TKTL1: variants seen among roughly 807,000 people sequenced by gnomAD.
TKTL1 encodes transketolase like 1.
TKTL1 carries 1 observed loss-of-function variant against 39.3 expected under a neutral mutation model. The ratio of observed to expected loss-of-function variants is 0.03; its 90% CI spans 0.01 to 0.12. The LOEUF (loss-of-function observed/expected upper bound fraction) is 0.12, where lower values mean the gene tolerates loss of function less well. Among genes scored for constraint, TKTL1 ranks in the 10% least tolerant of loss-of-function variants. The pLI, the probability that TKTL1 is intolerant of heterozygous loss-of-function variation, is 1.00. For missense variants in TKTL1, 575 were observed against 509.6 expected, an observed-to-expected ratio of 1.13 and a Z score of -1.24; for synonymous variants, 262 against 193.8, an observed-to-expected ratio of 1.35 and a Z score of -2.92.
Position 154,326,490 on chromosome X carries a change from A to G in TKTL1, c.1401+1068A>G, listed in dbSNP as rs185536501. Among the ~76,000 whole-genome samples, 5 of 112,589 alleles carry G rather than the reference A, an allele frequency of 4.4e-5. No individual in the cohort carries two copies. In the East Asian group the frequency reaches 1.4e-3, roughly 31 times the overall value. ...TTGAAAGAGCAGCAGGTAACATCCA[A>G]TTTGGTTGCTAAGGACTAGGCTGCT... is the stretch of plus-strand genomic sequence containing the variant. On this transcript the variant is annotated intron_variant, in intron 10 of 12. Transcript: ENST00000369915.
chrX:154,319,482 C>T (rs950592989), intron 7 of TKTL1, among the ~76,000 whole-genome samples: 1 of 111,689 alleles, frequency 9.0e-6, no homozygotes, highest in Non-Finnish European at 1.9e-5. Flanking sequence ...GGCTCACGCC[C>T]GTAATCCCAG....
At chrX:154,297,202 T>C (rs1557164802) in intron 1 of TKTL1, among the ~76,000 whole-genome samples, 2 of 112,088 alleles carry the variant, frequency 1.8e-5, no homozygotes, top group African/African-American at 6.5e-5. Context: ...TAGTATGCGG[T>C]TGATGGTTTT....
At position 154,309,454 on chromosome X, in the gene TKTL1, C is replaced by G. The variant is rs1557167865; in HGVS notation, c.350+12C>G. 2 of 1,184,625 alleles carry G rather than the reference C, an allele frequency of 1.7e-6. No individual in the cohort carries two copies. The highest frequency in any genetic ancestry group is 2.3e-6 in the Non-Finnish European group (2 of 871,657). ...TTCGACAGGGCCAGGTGAGGTTCTT[C>G]CCCAGAAGCCATTTAACTGCCCTAC... is the stretch of plus-strand genomic sequence containing the variant. On this transcript the variant is annotated intron_variant, in intron 3 of 12. Transcript: ENST00000369915.
At chrX:154,319,511 G>C (rs1317490264) in intron 7 of TKTL1, among the ~76,000 whole-genome samples, 1 of 111,832 alleles carries the variant, frequency 8.9e-6, no homozygotes, top group African/African-American at 3.3e-5. Flanking sequence ...GAGGCCGGCC[G>C]AGGTGGGTGG....
chrX:154,313,241 G>A (rs1557168772), intron 6 of TKTL1, among the ~76,000 whole-genome samples: 1 of 112,494 alleles, frequency 8.9e-6, no homozygotes, highest in Non-Finnish European at 1.9e-5. Flanking sequence ...AAACTGCCAC[G>A]ACTCTGTGTC....
chrX:154,299,886 C>T (rs1192392909), intron 1 of TKTL1, among the ~76,000 whole-genome samples: 2 of 111,815 alleles, frequency 1.8e-5, no homozygotes, highest in Non-Finnish European at 3.8e-5. Context: ...GTGAATTGTG[C>T]TGCCTATAAA....
At chrX:154,318,144 C>T (rs2067416758) in intron 7 of TKTL1, among the ~76,000 whole-genome samples, 1 of 111,165 alleles carries the variant, frequency 9.0e-6, no homozygotes, top group Non-Finnish European at 1.9e-5. Context: ...TCATGGCTCC[C>T]TGCAGCCTCA....
chrX:154,329,711 T>C lies in TKTL1; in HGVS notation c.*23T>C, dbSNP rs782262782. On this transcript the variant is annotated 3_prime_UTR_variant, in exon 13 of 13. Transcript: ENST00000369915. ...TAAAATAGCTGTTAGCTTTGGTCTT[T>C]TGGCCTCTTTACCCTGTGTTTATGT... 1 of 1,199,280 alleles carries C rather than the reference T, an allele frequency of 8.3e-7. No individual in the cohort carries two copies. The highest frequency in any genetic ancestry group is 1.1e-6 in the Non-Finnish European group (1 of 885,076).
rs1314077237 is a variant in TKTL1, at chrX:154,316,770, G to T, written c.1029+1433G>T. Among the ~76,000 whole-genome samples, 21 of 106,552 alleles carry T rather than the reference G, an allele frequency of 2.0e-4. 1 individual carries two copies. Among genetic ancestry groups the T allele is most frequent in the South Asian group, 4.2e-4 (1 of 2,406 alleles). The allele number at this position is 106,552 out of a possible 115,157, so 92.5% of individuals were successfully genotyped here. Reference sequence around the variant, plus strand: ...TTGTGGTTTTTGGTTTTTTTTTGGGGGTTTTTTTTTTTTGAGATGGAGTCT... The same window carrying T: ...TTGTGGTTTTTGGTTTTTTTTTGGGTGTTTTTTTTTTTTGAGATGGAGTCT... On this transcript the variant is annotated intron_variant, in intron 7 of 12. Transcript: ENST00000369915.
At chrX:154,298,060 T>G (rs1000574206) in intron 1 of TKTL1, among the ~76,000 whole-genome samples, 10 of 111,886 alleles carry the variant, frequency 8.9e-5, no homozygotes, top group Admixed American at 9.5e-5. Context: ...TATTCAGATT[T>G]TCTTGTCCTG....
At chrX:154,329,106 TC>T (rs1557172632) in intron 12 of TKTL1, among the ~76,000 whole-genome samples, 2 of 112,367 alleles carry the variant, frequency 1.8e-5, no homozygotes, top group Admixed American at 9.4e-5. Context: ...ACCACATTGT[TC>T]CTACAGACAG....
intron 7 of TKTL1, among the ~76,000 whole-genome samples, chrX:154,316,878 C>T (rs2067405202): frequency 1.8e-5 from 2 of 109,045 alleles, no homozygotes; most frequent in African/African-American, 6.7e-5. Flanking sequence ...CAAGCGATTC[C>T]CTTGCCTCAG....
chrX:154,312,892 C>T, intron 6 of TKTL1, 119 bp downstream of exon 6: 4 of 680,168 alleles, frequency 5.9e-6, no homozygotes, highest in East Asian at 3.5e-5. Flanking sequence ...GAACCAATTA[C>T]TAGAGTGACA....
intron 1 of TKTL1, among the ~76,000 whole-genome samples, chrX:154,296,883 G>C (rs1557164707): frequency 8.9e-6 from 1 of 111,998 alleles, no homozygotes. Flanking sequence ...GGGCGTGGTG[G>C]CACGTGCCTG....
In TKTL1 at chrX:154,320,534, C is replaced by G. The variant is rs1172816871; in HGVS notation, c.1030-223C>G. On this transcript the variant is annotated intron_variant, in intron 7 of 12. Coordinates refer to ENST00000369915, the MANE Select transcript of TKTL1 (RefSeq NM_012253.4). ...ACACCAGGAGGGCAGGCAAGAGAGT[C>G]TCATCTCTTGCTCCCTAGGAGCTAT... 9.7e-6 allele frequency: 4 copies of G among 411,970 alleles called. No homozygotes were observed. In the African/African-American group the frequency reaches 1.0e-4, roughly 10 times the overall value. The allele number at this position is 411,970 out of a possible 1,213,427, so 34.0% of individuals were successfully genotyped here.
At chrX:154,316,328 C>A (rs1226633800) in intron 7 of TKTL1, among the ~76,000 whole-genome samples, 2 of 111,147 alleles carry the variant, frequency 1.8e-5, no homozygotes, top group African/African-American at 6.6e-5. Flanking sequence ...CCTCGGCCTC[C>A]CAAAGTGCTG....
intron 7 of TKTL1, among the ~76,000 whole-genome samples, chrX:154,317,860 GGGAGAAGTGGACTGGA>G (rs1429318827): frequency 2.7e-5 from 3 of 110,582 alleles, no homozygotes; most frequent in African/African-American, 9.9e-5. Context: ...ACAAGACTGG[GGGAGAAGTGGACTGGA>G]GGGCACCATC....
chrX:154,326,060 A>G (rs1037558177), intron 10 of TKTL1, among the ~76,000 whole-genome samples: 2 of 112,422 alleles, frequency 1.8e-5, no homozygotes, highest in Non-Finnish European at 3.8e-5. Flanking sequence ...TTACAGATCT[A>G]AGGCCAGGAA....
intron 5 of TKTL1, among the ~76,000 whole-genome samples, chrX:154,311,750 C>T (rs1298180936): frequency 9.0e-6 from 1 of 111,169 alleles, no homozygotes; most frequent in Non-Finnish European, 1.9e-5. Flanking sequence ...TTTTAAAAGA[C>T]TATAGACATT....
Sources: gnomAD v4.1 joint callset for allele counts (sites outside exome capture counted in the v4.1 genomes callset) on GRCh38, gnomAD v4.1.1 for gene constraint, MANE v1.5 for transcripts, NCBI Gene and HGNC (gene_info 2026-07-23, HGNC 2026-07-21) for gene names.